Variants in ST18 observed in about 807,000 individuals in gnomAD.
ST18 encodes the protein ST18 C2H2C-type zinc finger transcription factor.
In ST18, 50 loss-of-function variants were observed where a neutral mutation model predicts 110.0. The ratio of observed to expected loss-of-function variants is 0.45; its 90% CI spans 0.36 to 0.58. The LOEUF is 0.58. Ranked by LOEUF, ST18 falls within the 20% of genes least tolerant of loss-of-function variation. The pLI is 0.00. For synonymous variants in ST18, 461 were observed against 452.4 expected, an observed-to-expected ratio of 1.02 and a Z score of -0.24; for missense variants, 1,306 against 1,280.1, an observed-to-expected ratio of 1.02 and a Z score of -0.31.
chr8:52,353,890 C>G (rs926423195), intron 2 of ST18, among the ~76,000 whole-genome samples: 6 of 152,214 alleles, frequency 3.9e-5, no homozygotes, highest in Admixed American at 1.3e-4. Flanking sequence ...TTAAGCCAAA[C>G]TAGGTTATGT....
intron 8 of ST18, among the ~76,000 whole-genome samples, chr8:52,192,465 A>C (rs891394552): frequency 6.6e-6 from 1 of 152,182 alleles, no homozygotes; most frequent in South Asian, 2.1e-4. Context: ...ATGGAAATAC[A>C]ATCATAAGAT....
At chr8:52,398,931 A>G (rs1169222277) in intron 2 of ST18, among the ~76,000 whole-genome samples, 1 of 152,010 alleles carries the variant, frequency 6.6e-6, no homozygotes, top group Non-Finnish European at 1.5e-5. Context: ...TGGCTTAGGT[A>G]TCAAGGTAAT....
chr8:52,190,579 G>A (rs546691423), intron 8 of ST18, among the ~76,000 whole-genome samples: 1 of 152,306 alleles, frequency 6.6e-6, no homozygotes, highest in Non-Finnish European at 1.5e-5. Context: ...TGCAGTCCCT[G>A]ACATGGTAAA....
chr8:52,163,914 G>A, intron 13 of ST18, 72 bp downstream of exon 13: 2 of 1,220,142 alleles, frequency 1.6e-6, no homozygotes, highest in Non-Finnish European at 2.4e-6. Flanking sequence ...ACTGACTCAT[G>A]AAGGACCAGA....
intron 2 of ST18, among the ~76,000 whole-genome samples, chr8:52,386,325 TA>T (rs1479724870): frequency 1.3e-5 from 2 of 152,180 alleles, no homozygotes; most frequent in African/African-American, 4.8e-5. Context: ...TACAAATACT[TA>T]AAAAGATTGC....
intron 2 of ST18, among the ~76,000 whole-genome samples, chr8:52,363,027 T>C (rs1374448652): frequency 6.6e-6 from 1 of 152,100 alleles, no homozygotes; most frequent in Non-Finnish European, 1.5e-5. Flanking sequence ...CTGGCTAACA[T>C]GGTGAAACCC....
chr8:52,345,059 A>G (rs1205334795), intron 2 of ST18, among the ~76,000 whole-genome samples: 1 of 152,228 alleles, frequency 6.6e-6, no homozygotes, highest in Non-Finnish European at 1.5e-5. Context: ...TTCTCAATAC[A>G]TATAATTATA....
At chr8:52,132,253 A>G in intron 21 of ST18, 74 bp from the exon 22 acceptor site, 1 of 1,285,544 alleles carries the variant, frequency 7.8e-7, no homozygotes, top group South Asian at 1.5e-5. Flanking sequence ...AGAACAAACC[A>G]TGCAATTATA....
chr8:52,126,751 C>T (rs969890166), intron 22 of ST18, among the ~76,000 whole-genome samples: 1 of 152,160 alleles, frequency 6.6e-6, no homozygotes, highest in Non-Finnish European at 1.5e-5. Flanking sequence ...ATAAGAGGAG[C>T]TGCCACAAGT....
intron 10 of ST18, among the ~76,000 whole-genome samples, chr8:52,170,452 C>A (rs10092858): frequency 0.091 from 11,632 of 128,112 alleles, 700 homozygotes; most frequent in African/African-American, 0.21. Context: ...ACTCAAAAAT[C>A]AATAAATAAA....
intron 2 of ST18, among the ~76,000 whole-genome samples, chr8:52,247,938 G>A (rs1223043374): frequency 1.3e-5 from 2 of 152,012 alleles, no homozygotes; most frequent in African/African-American, 4.8e-5. Context: ...TCTGGCTATT[G>A]TTAAAACAAT....
intron 2 of ST18, among the ~76,000 whole-genome samples, chr8:52,267,780 A>C (rs1589451498): frequency 6.6e-6 from 1 of 152,226 alleles, no homozygotes; most frequent in East Asian, 1.9e-4. Flanking sequence ...GAATCCACGG[A>C]GAGCCCATGG....
In ST18 at chr8:52,116,342, A is replaced by G. The variant is rs372846323; in HGVS notation, c.2936T>C (p.Leu979Pro). 4 of 1,613,952 alleles carry G rather than the reference A, an allele frequency of 2.5e-6. No individual in the cohort carries two copies. The highest frequency in any genetic ancestry group is 3.4e-6 in the Non-Finnish European group (4 of 1,179,978). Residue 979 changes from leucine (L) to proline (P), a missense_variant, in exon 25 of 26, where the codon CTG (leucine) becomes CCG (proline). By Grantham distance (98) the Leu-to-Pro change is moderately conservative. Coordinates refer to ENST00000689386, the MANE Select transcript of ST18 (RefSeq NM_001352837.2). ...KLIEQNNESL[L>P]KELAGLSQAL... Reference sequence around the variant, plus strand: ...TTGGCTTAGACCTGCCAGCTCTTTCAGCAGACTTTCATTGTTCTGTTCTAT... The same window carrying G: ...TTGGCTTAGACCTGCCAGCTCTTTCGGCAGACTTTCATTGTTCTGTTCTAT...
chr8:52,195,007 C>T (rs1425227492), intron 8 of ST18, among the ~76,000 whole-genome samples: 1 of 152,146 alleles, frequency 6.6e-6, no homozygotes, highest in East Asian at 1.9e-4. Context: ...AATTTATACT[C>T]AAAGACAATA....
intron 2 of ST18, among the ~76,000 whole-genome samples, chr8:52,363,384 C>T (rs7461422): frequency 0.79 from 119,627 of 152,102 alleles, 50,388 homozygotes; most frequent in Non-Finnish European, 0.93. Flanking sequence ...GAATATCTTC[C>T]TAGCTGTTTC....
Position 52,112,948 on chromosome 8 carries a change from GAAGA to G in ST18, c.*246_*249del. The G allele has an allele frequency of 3.2e-6, 1 of 308,652 alleles. No homozygotes were observed. The highest frequency in any genetic ancestry group is 5.8e-6 in the Non-Finnish European group (1 of 171,478). 19.1% of individuals were successfully genotyped at this position (308,652 alleles called of 1,614,324 possible). A position where few individuals can be genotyped will look rare whatever the true frequency, so the allele number is the denominator to read the frequency against. ...TTTACAAAAAAAAAAAGAGTACAAT[GAAGA>G]AATAAAAGAAAAACATATGAAAATA... On this transcript the variant is annotated 3_prime_UTR_variant, in exon 26 of 26. Coordinates refer to ENST00000689386, the MANE Select transcript of ST18 (RefSeq NM_001352837.2).
chr8:52,200,236 C>T (rs1564017909), intron 8 of ST18, among the ~76,000 whole-genome samples: 1 of 152,126 alleles, frequency 6.6e-6, no homozygotes, highest in East Asian at 1.9e-4. Context: ...GATTGTGTGT[C>T]AAAAGGTGAC....
At chr8:52,362,422 T>A (rs1417443566) in intron 2 of ST18, among the ~76,000 whole-genome samples, 1 of 152,210 alleles carries the variant, frequency 6.6e-6, no homozygotes, top group Non-Finnish European at 1.5e-5. Context: ...TCCATTCAAA[T>A]GCTGTTTTCA....
intron 9 of ST18, among the ~76,000 whole-genome samples, chr8:52,174,276 G>A (rs2066074637): frequency 6.6e-6 from 1 of 152,154 alleles, no homozygotes; most frequent in Non-Finnish European, 1.5e-5. Context: ...AGTCTAAAAT[G>A]CAAATGAAGT....
Sources: allele counts gnomAD v4.1 joint callset (sites outside exome capture counted in the v4.1 genomes callset), GRCh38; gene constraint gnomAD v4.1.1; transcripts MANE v1.5; gene names NCBI Gene and HGNC (gene_info 2026-07-23, HGNC 2026-07-21).